The following NAALADL2 variants were observed in gnomAD, a reference collection of about 807,000 sequenced individuals.
The protein encoded by NAALADL2 is N-acetylated alpha-linked acidic dipeptidase like 2, also known as inactive N-acetylated-alpha-linked acidic dipeptidase-like protein 2.
In NAALADL2, 76 loss-of-function variants were observed where a neutral mutation model predicts 87.2. The ratio of observed to expected loss-of-function variants is 0.87; its 90% CI spans 0.72 to 1.05. NAALADL2 has a LOEUF of 1.05. Ranked by LOEUF, NAALADL2 falls within the 50% of genes least tolerant of loss-of-function variation. NAALADL2 has a pLI of 0.00. For synonymous variants in NAALADL2, 354 were observed against 331.0 expected, an observed-to-expected ratio of 1.07 and a Z score of -0.75; for missense variants, 1,089 against 945.8, an observed-to-expected ratio of 1.15 and a Z score of -1.99.
chr3:174,844,304 T>A (rs1724352717), intron 3 of NAALADL2, among the ~76,000 whole-genome samples: 1 of 152,158 alleles, frequency 6.6e-6, no homozygotes, highest in African/African-American at 2.4e-5. Context: ...TGGCTATAGG[T>A]AGGCGAATTT....
intron 11 of NAALADL2, among the ~76,000 whole-genome samples, chr3:175,687,558 A>G (rs1736467599): frequency 6.6e-6 from 1 of 152,176 alleles, no homozygotes; most frequent in Non-Finnish European, 1.5e-5. Context: ...TGACTAGCAA[A>G]CAGAAGACTC....
At chr3:175,140,307 G>A (rs1182536885) in intron 2 of NAALADL2, among the ~76,000 whole-genome samples, 3 of 152,140 alleles carry the variant, frequency 2.0e-5, no homozygotes, top group Non-Finnish European at 4.4e-5. Context: ...CCCATTAGAT[G>A]TCAGGTATTC....
At chr3:174,920,284 A>G (rs534333643) in intron 1 of NAALADL2, among the ~76,000 whole-genome samples, 314 of 152,272 alleles carry the variant, frequency 2.1e-3, no homozygotes, top group African/African-American at 7.2e-3. Context: ...CCAACATAAG[A>G]CTGTTTTGTC....
intron 5 of NAALADL2, among the ~76,000 whole-genome samples, chr3:175,423,028 A>AAAAAT (rs1438736874): frequency 4.5e-5 from 5 of 111,304 alleles, no homozygotes; most frequent in African/African-American, 1.2e-4. Context: ...GAAAAAAAAA[A>AAAAAT]ATATATATAT....
At chr3:174,883,282 C>T (rs183750712) in intron 1 of NAALADL2, among the ~76,000 whole-genome samples, 16 of 152,224 alleles carry the variant, frequency 1.1e-4, no homozygotes, top group Middle Eastern at 3.4e-3. Flanking sequence ...TGCTTTGTAT[C>T]GTTCAGTCCA....
intron 1 of NAALADL2, among the ~76,000 whole-genome samples, chr3:174,888,200 T>C (rs1013943699): frequency 7.2e-4 from 110 of 152,358 alleles, no homozygotes; most frequent in African/African-American, 2.4e-3. Flanking sequence ...GTCTAGAATG[T>C]TATCAACAAA....
At chr3:174,701,779 C>T (rs1729573330) in intron 2 of NAALADL2, among the ~76,000 whole-genome samples, 1 of 152,066 alleles carries the variant, frequency 6.6e-6, no homozygotes, top group African/African-American at 2.4e-5. Flanking sequence ...GAGATTGTTC[C>T]TTTTTTATTG....
At chr3:174,936,602 G>T (rs1737723597) in intron 1 of NAALADL2, among the ~76,000 whole-genome samples, 1 of 152,080 alleles carries the variant, frequency 6.6e-6, no homozygotes, top group Non-Finnish European at 1.5e-5. Context: ...TATTAGGATT[G>T]TTTTGGTAAT....
rs554138950 is a variant in NAALADL2, at chr3:175,238,321, G to A, written c.819+4117G>A. Among the ~76,000 whole-genome samples, 27 of 152,118 alleles carry A rather than the reference G, an allele frequency of 1.8e-4. No individual in the cohort carries two copies. In the South Asian group the frequency reaches 5.6e-3, roughly 32 times the overall value. On this transcript the variant is annotated intron_variant, in intron 3 of 13. Coordinates refer to ENST00000454872, the MANE Select transcript of NAALADL2 (RefSeq NM_207015.3). The stretch of plus-strand genomic sequence containing the variant: ...CTTTTAAAATGCAGCTGTTAAAAGG[G>A]AGAAAATAAAGTTAACTGTAGATGT...
Position 175,463,462 on chromosome 3 carries a change from T to C in NAALADL2, c.1296T>C (p.Val432=), listed in dbSNP as rs181389157. 53 of 1,599,216 alleles carry C rather than the reference T, an allele frequency of 3.3e-5. No individual in the cohort carries two copies. In the African/African-American group the frequency reaches 6.2e-4, roughly 19 times the overall value. The change falls in exon 7 of 14, where the codon GTT becomes GTC. Residue 432 remains valine (V), a synonymous_variant. Transcript: ENST00000454872. The part of the protein sequence containing the change: ...TVTKLKTVTN[V]VGFVMGLTSP... ...CAAAATTGAAAACAGTTACTAATGT[T>C]GTTGGATTTGTAATGGGCTTGACAT...
chr3:175,281,969 G>A (rs1754365532), intron 4 of NAALADL2, among the ~76,000 whole-genome samples: 1 of 151,682 alleles, frequency 6.6e-6, no homozygotes, highest in South Asian at 2.1e-4. Context: ...CTCATGTTTT[G>A]TTATTATTTC....
chr3:174,841,338 G>T (rs1202649545), intron 3 of NAALADL2, among the ~76,000 whole-genome samples: 1 of 152,170 alleles, frequency 6.6e-6, no homozygotes, highest in Non-Finnish European at 1.5e-5. Context: ...TGTTCCTAAA[G>T]ATAACAAGAA....
intron 1 of NAALADL2, among the ~76,000 whole-genome samples, chr3:174,999,543 T>C (rs1001302617): frequency 2.6e-5 from 4 of 152,142 alleles, no homozygotes; most frequent in Non-Finnish European, 5.9e-5. Flanking sequence ...AACCCCTTAA[T>C]TAGTGCCACT....
chr3:174,441,298 G>C lies in NAALADL2; in HGVS notation c.-184+266G>C, dbSNP rs530263226. 5.5e-4 allele frequency among the ~76,000 whole-genome samples: 83 copies of C among 152,260 alleles called. 2 individuals are homozygous for C. In the Middle Eastern group the frequency reaches 0.014, roughly 25 times the overall value. ...GGCACCTGGCTCTGGCAGTCCGCGA[G>C]GCGCGCTGGCCAAAGGAGCTCCCAA... On this transcript the variant is annotated intron_variant, in intron 1 of 3. Transcript: ENST00000434257.
intron 2 of NAALADL2, among the ~76,000 whole-genome samples, chr3:175,156,520 A>G (rs1393771787): frequency 3.3e-5 from 5 of 152,104 alleles, no homozygotes; most frequent in African/African-American, 9.6e-5. Flanking sequence ...TTTGAAAGGT[A>G]TAAAAAGGAG....
At chr3:175,317,128 A>C (rs571262794) in intron 4 of NAALADL2, among the ~76,000 whole-genome samples, 1 of 152,308 alleles carries the variant, frequency 6.6e-6, no homozygotes, top group South Asian at 2.1e-4. Flanking sequence ...GCCATCAGCT[A>C]TAGAAAAATT....
chr3:175,017,109 G>T (rs1395179510), intron 1 of NAALADL2, among the ~76,000 whole-genome samples: 3 of 151,918 alleles, frequency 2.0e-5, no homozygotes, highest in African/African-American at 7.2e-5. Flanking sequence ...CATAGAATGG[G>T]TGTGGTAGAA....
intron 2 of NAALADL2, among the ~76,000 whole-genome samples, chr3:174,611,533 G>A (rs1719880429): frequency 6.6e-6 from 1 of 151,948 alleles, no homozygotes; most frequent in African/African-American, 2.4e-5. Flanking sequence ...ACAATAATCT[G>A]GTTTTCTGTG....
chr3:175,144,377 T>C (rs1470952080), intron 2 of NAALADL2, among the ~76,000 whole-genome samples: 2 of 151,982 alleles, frequency 1.3e-5, no homozygotes, highest in Admixed American at 6.6e-5. Flanking sequence ...AAAACAGGAA[T>C]TGATTATTGT....
Sources: allele counts gnomAD v4.1 joint callset (sites outside exome capture counted in the v4.1 genomes callset), GRCh38; gene constraint gnomAD v4.1.1; transcripts MANE v1.5; gene names NCBI Gene and HGNC (gene_info 2026-07-23, HGNC 2026-07-21).